CACNA2D3: variants seen among roughly 807,000 people sequenced by gnomAD.
CACNA2D3 encodes the protein calcium voltage-gated channel auxiliary subunit alpha2delta 3, also known as voltage-dependent calcium channel subunit alpha-2/delta-3.
Under a neutral mutation model 160.6 loss-of-function variants are expected in CACNA2D3, and 60 were observed. That is an observed-to-expected ratio of 0.37 (90% CI 0.30 to 0.46). The LOEUF is 0.46. CACNA2D3 is among the 20% of genes least tolerant of loss of function. CACNA2D3 has a pLI of 1.00. For synonymous variants in CACNA2D3, 558 were observed against 492.9 expected (o/e 1.13, Z -1.75); for missense variants, 1,205 against 1,365.0 (o/e 0.88, Z 1.85).
intron 16 of CACNA2D3, among the ~76,000 whole-genome samples, chr3:54,839,265 A>T (rs1029171940): frequency 3.3e-5 from 5 of 149,970 alleles, no homozygotes; most frequent in African/African-American, 1.2e-4. Context: ...ATCAAAAAAT[A>T]AAAAAAAAAT....
intron 11 of CACNA2D3, among the ~76,000 whole-genome samples, chr3:54,729,963 C>T (rs1023222856): frequency 1.5e-4 from 21 of 141,904 alleles, no homozygotes; most frequent in Non-Finnish European, 2.7e-4. Context: ...CACACCACTG[C>T]ACTCCAACCT....
chr3:54,374,018 C>T (rs984616915), intron 3 of CACNA2D3, among the ~76,000 whole-genome samples: 20 of 152,060 alleles, frequency 1.3e-4, no homozygotes, highest in Non-Finnish European at 2.9e-4. Flanking sequence ...ATCACCCAGT[C>T]GTGTTTGATG....
At chr3:54,600,370 GAGA>G (rs1189098946) in intron 9 of CACNA2D3, among the ~76,000 whole-genome samples, 2 of 152,168 alleles carry the variant, frequency 1.3e-5, no homozygotes, top group Non-Finnish European at 2.9e-5. Context: ...TCCTTAGAGG[GAGA>G]AGATGATCCT....
chr3:54,812,051 G>T (rs952618896), intron 13 of CACNA2D3, among the ~76,000 whole-genome samples: 2 of 152,156 alleles, frequency 1.3e-5, no homozygotes, highest in Non-Finnish European at 2.9e-5. Context: ...CAATATCCTA[G>T]TGCATGGCTG....
intron 2 of CACNA2D3, among the ~76,000 whole-genome samples, chr3:54,235,782 A>C (rs1315426895): frequency 6.6e-6 from 1 of 152,210 alleles, no homozygotes; most frequent in Non-Finnish European, 1.5e-5. Context: ...GCAGACAAGG[A>C]ATTGCAAATA....
At chr3:54,787,766 AAGTT>A (rs1702669408) in intron 13 of CACNA2D3, among the ~76,000 whole-genome samples, 1 of 152,146 alleles carries the variant, frequency 6.6e-6, no homozygotes, top group African/African-American at 2.4e-5. Context: ...ATGCAGACGA[AAGTT>A]AGTGCTGTTT....
chr3:54,894,778 T>C, intron 25 of CACNA2D3: 1 of 426,506 alleles, frequency 2.3e-6, no homozygotes, highest in South Asian at 1.6e-5. Flanking sequence ...ATGAAAAGGC[T>C]AAAATTTCAG....
At chr3:54,725,298 G>T (rs907831771) in intron 11 of CACNA2D3, among the ~76,000 whole-genome samples, 1 of 152,122 alleles carries the variant, frequency 6.6e-6, no homozygotes, top group Non-Finnish European at 1.5e-5. Flanking sequence ...AGAAGTCCAG[G>T]ACCAGACGGA....
intron 17 of CACNA2D3, among the ~76,000 whole-genome samples, chr3:54,850,704 A>G (rs896047270): frequency 1.3e-5 from 2 of 152,202 alleles, no homozygotes; most frequent in Non-Finnish European, 2.9e-5. Flanking sequence ...AGCTGCAGCA[A>G]TGGCAGGGTT....
chr3:54,683,235 C>G (rs1019090365), intron 11 of CACNA2D3, among the ~76,000 whole-genome samples: 1 of 152,176 alleles, frequency 6.6e-6, no homozygotes, highest in Admixed American at 6.5e-5. Flanking sequence ...AGAGAACTTG[C>G]CTGAGATGGC....
chr3:54,166,279 A>G lies in CACNA2D3; in HGVS notation c.204+42685A>G, dbSNP rs1409139847. Reference sequence around the variant, plus strand: ...TGAGGACCACTGGCAACCAAAGTCCATCATGTCCCATTCCCATTTATTCTC... The same window carrying G: ...TGAGGACCACTGGCAACCAAAGTCCGTCATGTCCCATTCCCATTTATTCTC... On this transcript the variant is annotated intron_variant, in intron 2 of 37. Transcript: ENST00000474759. Among the ~76,000 whole-genome samples, 4 of 152,242 alleles carry G rather than the reference A, an allele frequency of 2.6e-5. No individual in the cohort carries two copies. The East Asian group carries it at 5.8e-4, about 22-fold the overall frequency.
chr3:54,424,747 T>A (rs953769112), intron 4 of CACNA2D3, among the ~76,000 whole-genome samples: 4 of 152,160 alleles, frequency 2.6e-5, no homozygotes, highest in African/African-American at 9.7e-5. Flanking sequence ...TGCCATTCTC[T>A]CCCTGCATCC....
At chr3:54,888,097 A>C (rs1228646182) in intron 24 of CACNA2D3, 45 bp downstream of exon 24, 2 of 1,346,174 alleles carry the variant, frequency 1.5e-6, no homozygotes, top group Admixed American at 1.7e-5. Flanking sequence ...TTTCCTCACC[A>C]ACACTCCGAA....
In CACNA2D3 at chr3:54,186,863, G is replaced by A. The variant is rs138419378; in HGVS notation, c.204+63269G>A. Among the ~76,000 whole-genome samples, 216 of 152,308 alleles carry A rather than the reference G, an allele frequency of 1.4e-3. 1 individual carries two copies. The highest frequency in any genetic ancestry group is 4.5e-3 in the African/African-American group (189 of 41,572). On this transcript the variant is annotated intron_variant, in intron 2 of 37. Transcript: ENST00000474759. Reference sequence around the variant, plus strand: ...TCTCCATCTCTGAAGCCAGGACAGCGTTGCTCCTGCCTTCCTCCATAATGG... The same window carrying A: ...TCTCCATCTCTGAAGCCAGGACAGCATTGCTCCTGCCTTCCTCCATAATGG...
intron 27 of CACNA2D3, among the ~76,000 whole-genome samples, chr3:54,940,008 A>G (rs146866398): frequency 2.3e-4 from 35 of 152,282 alleles, no homozygotes; most frequent in African/African-American, 7.7e-4. Context: ...CCATCTGAGC[A>G]GATGAGCATC....
chr3:54,978,999 A>G (rs1003963927), intron 29 of CACNA2D3, among the ~76,000 whole-genome samples: 4 of 152,152 alleles, frequency 2.6e-5, no homozygotes, highest in African/African-American at 9.7e-5. Flanking sequence ...GTGCAGCAAG[A>G]ATAATTATTT....
intron 27 of CACNA2D3, among the ~76,000 whole-genome samples, chr3:54,960,827 T>G (rs1427674884): frequency 6.6e-6 from 1 of 152,056 alleles, no homozygotes; most frequent in East Asian, 1.9e-4. Flanking sequence ...ATTTAACAGA[T>G]GAGTTATGTC....
intron 35 of CACNA2D3, among the ~76,000 whole-genome samples, chr3:55,057,667 C>T (rs941847142): frequency 3.3e-5 from 5 of 152,130 alleles, no homozygotes; most frequent in Non-Finnish European, 5.9e-5. Context: ...TGGTGATTTG[C>T]CCATTAATTT....
At chr3:54,301,252 G>T (rs1229913640) in intron 2 of CACNA2D3, among the ~76,000 whole-genome samples, 1 of 148,276 alleles carries the variant, frequency 6.7e-6, no homozygotes, top group Non-Finnish European at 1.5e-5. Flanking sequence ...GCGAGATCCT[G>T]TCTCAAAACA....
Sources: gnomAD v4.1 joint callset for allele counts (sites outside exome capture counted in the v4.1 genomes callset) on GRCh38, gnomAD v4.1.1 for gene constraint, MANE v1.5 for transcripts, NCBI Gene and HGNC (gene_info 2026-07-23, HGNC 2026-07-21) for gene names.